ANKRD11: variants seen among roughly 807,000 people sequenced by gnomAD.
The protein encoded by ANKRD11 is ankyrin repeat domain-containing protein 11.
ANKRD11 carries 17 observed loss-of-function variants against 195.7 expected under a neutral mutation model. The ratio of observed to expected loss-of-function variants is 0.09; its 90% CI spans 0.06 to 0.13. The LOEUF (loss-of-function observed/expected upper bound fraction) is 0.13, where lower values mean the gene tolerates loss of function less well. ANKRD11 is among the 10% of genes least tolerant of loss of function. ANKRD11 has a pLI of 1.00. For synonymous variants in ANKRD11, 1,953 were observed against 1,528.1 expected (o/e 1.28, Z -6.49); for missense variants, 3,735 against 3,566.1 (o/e 1.05, Z -1.21).
At position 89,479,711 on chromosome 16, in the gene ANKRD11, G is replaced by A. The variant is rs778646970; in HGVS notation, c.-145+10534C>T. Among the ~76,000 whole-genome samples, 21 of 151,752 alleles carry A rather than the reference G, an allele frequency of 1.4e-4. 1 individual carries two copies. Among genetic ancestry groups the A allele is most frequent in the Middle Eastern group, 6.8e-3 (2 of 292 alleles). ...TGTAATCCCAGCACTTTGGGAGGCC[G>A]AGGGGGCGGATCACGAGTTCAGGAG... On this transcript the variant is annotated intron_variant, in intron 1 of 12. Transcript: ENST00000301030.
intron 1 of ANKRD11, among the ~76,000 whole-genome samples, chr16:89,457,554 C>T (rs1380197856): frequency 3.4e-5 from 5 of 147,588 alleles, no homozygotes; most frequent in South Asian, 4.4e-4. Context: ...GCTGAGATCG[C>T]GCCACTGCAC....
chr16:89,414,896 G>A (rs540498658), intron 2 of ANKRD11, among the ~76,000 whole-genome samples: 1 of 152,276 alleles, frequency 6.6e-6, no homozygotes, highest in South Asian at 2.1e-4. Context: ...AGTGAAACAC[G>A]GGAATGACAC....
intron 6 of ANKRD11, chr16:89,288,974 A>C (rs1174788088): frequency 4.0e-6 from 2 of 502,248 alleles, no homozygotes; most frequent in South Asian, 2.0e-5. Context: ...ACAGTGTAGT[A>C]AACAGCAGCC....
At chr16:89,483,407 T>C (rs1053260162) in intron 1 of ANKRD11, among the ~76,000 whole-genome samples, 2 of 152,218 alleles carry the variant, frequency 1.3e-5, no homozygotes, top group African/African-American at 4.8e-5. Context: ...TAAATCTCAT[T>C]GAATATGCTT....
At chr16:89,313,979 C>T (rs2036778463) in intron 3 of ANKRD11, among the ~76,000 whole-genome samples, 1 of 152,226 alleles carries the variant, frequency 6.6e-6, no homozygotes, top group African/African-American at 2.4e-5. Context: ...GTAGTTCACG[C>T]CTGTGATGCG....
intron 1 of ANKRD11, among the ~76,000 whole-genome samples, chr16:89,464,169 G>A (rs1239572075): frequency 6.6e-6 from 1 of 152,112 alleles, no homozygotes; most frequent in Non-Finnish European, 1.5e-5. Flanking sequence ...AACCTGGGAG[G>A]TGGAGGCTGT....
intron 6 of ANKRD11, among the ~76,000 whole-genome samples, chr16:89,290,291 GC>G (rs771211369): frequency 0.035 from 2,468 of 70,130 alleles, 837 homozygotes; most frequent in Non-Finnish European, 0.049. Context: ...CAGGGCTCCA[GC>G]CGGGGGAGGC....
rs2034489925 is a variant in ANKRD11, at chr16:89,284,265, T to C, written c.2277A>G (p.Arg759=). 6.2e-7 allele frequency: 1 copy of C among 1,613,834 alleles called. No individual in the cohort carries two copies. Among genetic ancestry groups the C allele is most frequent in the Admixed American group, 1.7e-5 (1 of 60,006 alleles). The change falls in exon 9 of 13, where the codon AGA becomes AGG. Residue 759 remains arginine, a synonymous_variant. Transcript: ENST00000301030. ...KEKSPKEEKL[R]LYKEERKKKS... The stretch of plus-strand genomic sequence containing the variant: ...TCTTCTTTCTCTCCTCTTTGTACAG[T>C]CTCAGTTTTTCTTCTTTCGGAGACT...
chr16:89,426,016 C>A (rs1935444341), intron 1 of ANKRD11, among the ~76,000 whole-genome samples: 1 of 152,150 alleles, frequency 6.6e-6, no homozygotes, highest in Admixed American at 6.5e-5. Context: ...TCTTCCCTTT[C>A]CATAATGCCT....
chr16:89,324,367 G>A (rs1384066314), intron 2 of ANKRD11: 21 of 905,264 alleles, frequency 2.3e-5, no homozygotes, highest in Non-Finnish European at 3.0e-5. Flanking sequence ...AAAGCCAGGA[G>A]GGCGGCACGT....
chr16:89,429,173 A>AC (rs2042865815), intron 1 of ANKRD11, among the ~76,000 whole-genome samples: 5 of 140,086 alleles, frequency 3.6e-5, no homozygotes, highest in Admixed American at 1.5e-4. Context: ...CACAGCAGGG[A>AC]TTCTCAACTC....
At chr16:89,286,871 A>C (rs1016784072) in intron 7 of ANKRD11, 1 of 1,288,420 alleles carries the variant, frequency 7.8e-7, no homozygotes, top group East Asian at 5.5e-5. Flanking sequence ...TTTAATCCCA[A>C]CTTTAGTCCA....
intron 2 of ANKRD11, among the ~76,000 whole-genome samples, chr16:89,337,227 G>A (rs555559741): frequency 6.6e-6 from 1 of 151,516 alleles, no homozygotes; most frequent in East Asian, 1.9e-4. Context: ...AACGCCAAAC[G>A]CACAGATTAA....
rs887637640 is a variant in ANKRD11, at chr16:89,407,147, T to G, written c.-60+11137A>C. Among the ~76,000 whole-genome samples, 7 of 151,564 alleles carry G rather than the reference T, an allele frequency of 4.6e-5. No individual in the cohort carries two copies. In the East Asian group the frequency reaches 1.4e-3, roughly 29 times the overall value. On this transcript the variant is annotated intron_variant, in intron 2 of 12. Coordinates refer to ENST00000301030, the MANE Select transcript of ANKRD11 (RefSeq NM_013275.6). ...GAGGCGGTGAGTTGAGACGTGCCACTGCACTCCAGCCTGGGCAACAAGAGC... is the reference window on the plus strand; with the variant it reads ...GAGGCGGTGAGTTGAGACGTGCCACGGCACTCCAGCCTGGGCAACAAGAGC...
chr16:89,323,779 C>G (rs902520332), intron 2 of ANKRD11: 12 of 253,026 alleles, frequency 4.7e-5, no homozygotes, highest in Non-Finnish European at 8.5e-5. Flanking sequence ...CGCACCAGCT[C>G]TCTCTCCTTC....
intron 2 of ANKRD11, among the ~76,000 whole-genome samples, chr16:89,330,527 G>C (rs2037993552): frequency 6.6e-6 from 1 of 152,084 alleles, no homozygotes; most frequent in African/African-American, 2.4e-5. Context: ...GTGGCAGCGG[G>C]TTTCCACAGT....
chr16:89,345,528 TC>T (rs2038900026), intron 2 of ANKRD11, among the ~76,000 whole-genome samples: 1 of 152,284 alleles, frequency 6.6e-6, no homozygotes, highest in Non-Finnish European at 1.5e-5. Context: ...CTCTCCAACT[TC>T]CAGCTTCCAG....
chr16:89,287,109 G>A (rs546276890), intron 7 of ANKRD11: 761 of 1,289,644 alleles, frequency 5.9e-4, no homozygotes, highest in Non-Finnish European at 7.0e-4. Flanking sequence ...CCTCCATCAT[G>A]GGGGCTGCTG....
intron 1 of ANKRD11, among the ~76,000 whole-genome samples, chr16:89,488,011 G>C (rs2057678993): frequency 6.6e-6 from 1 of 152,178 alleles, no homozygotes; most frequent in South Asian, 2.1e-4. Context: ...GCATCTGGCG[G>C]TGGCAATGCA....
Sources: allele counts gnomAD v4.1 joint callset (sites outside exome capture counted in the v4.1 genomes callset), GRCh38; gene constraint gnomAD v4.1.1; transcripts MANE v1.5; gene names NCBI Gene and HGNC (gene_info 2026-07-23, HGNC 2026-07-21).